Variants in NHS observed in about 807,000 individuals in gnomAD.
NHS encodes the protein actin remodeling regulator NHS.
In NHS, 5 loss-of-function variants were observed where a neutral mutation model predicts 72.5. That is an observed-to-expected ratio of 0.07 (90% CI 0.04 to 0.14). The LOEUF is 0.14. Among genes scored for constraint, NHS ranks in the 10% least tolerant of loss-of-function variants. The pLI is 1.00. For missense variants in NHS, 1,072 were observed against 1,355.7 expected, an observed-to-expected ratio of 0.79 and a Z score of 3.29; for synonymous variants, 464 against 547.7, an observed-to-expected ratio of 0.85 and a Z score of 2.13.
intron 1 of NHS, among the ~76,000 whole-genome samples, chrX:17,547,336 G>A (rs1191672461): frequency 1.8e-5 from 2 of 112,331 alleles, no homozygotes; most frequent in East Asian, 5.6e-4. Flanking sequence ...GGCAAGTCAC[G>A]AGTCATCTGG....
intron 1 of NHS, among the ~76,000 whole-genome samples, chrX:17,657,117 C>T (rs533145481): frequency 8.9e-6 from 1 of 112,671 alleles, no homozygotes; most frequent in South Asian, 3.7e-4. Context: ...ACCATCTGTG[C>T]GCATGAGTGG....
chrX:17,700,190 C>T (rs1379051650), intron 3 of NHS, among the ~76,000 whole-genome samples: 1 of 111,181 alleles, frequency 9.0e-6, no homozygotes, highest in African/African-American at 3.3e-5. Context: ...AGCCTGTAAT[C>T]CCAGCATTTT....
intron 1 of NHS, among the ~76,000 whole-genome samples, chrX:17,576,621 T>C (rs1023959670): frequency 2.7e-5 from 3 of 112,217 alleles, no homozygotes; most frequent in Non-Finnish European, 5.6e-5. Flanking sequence ...CCAACAGCCT[T>C]GCCCTGTACA....
chrX:17,439,569 A>G (rs1312592882), intron 1 of NHS, among the ~76,000 whole-genome samples: 1 of 111,783 alleles, frequency 8.9e-6, no homozygotes, highest in Non-Finnish European at 1.9e-5. Flanking sequence ...TTTTTGCTCA[A>G]CGTTATGTAT....
rs151204953 is a variant in NHS at position 17,456,155 on chromosome X, G to T, written c.565+79833G>T. 7.2e-3 allele frequency among the ~76,000 whole-genome samples: 807 copies of T among 111,843 alleles called. 18 individuals carry two copies. The East Asian group carries it at 0.078, about 11-fold the overall frequency. ...TATAATATGTTTTTTTGCCCATGAA[G>T]AACTCATGTATGGAGATCTATGCAT... On this transcript the variant is annotated intron_variant, in intron 1 of 8. Coordinates refer to ENST00000676302, the MANE Select transcript of NHS (RefSeq NM_001291867.2).
chrX:17,702,056 A>G (rs2066268291), intron 3 of NHS, among the ~76,000 whole-genome samples: 1 of 111,260 alleles, frequency 9.0e-6, no homozygotes, highest in Non-Finnish European at 1.9e-5. Context: ...GGAGTGGGGT[A>G]GAAAGAATGG....
At chrX:17,598,917 C>T (rs1398755311) in intron 1 of NHS, among the ~76,000 whole-genome samples, 1 of 111,300 alleles carries the variant, frequency 9.0e-6, no homozygotes, top group Non-Finnish European at 1.9e-5. Context: ...TCATTTCACT[C>T]CCCACCCCAA....
intron 1 of NHS, among the ~76,000 whole-genome samples, chrX:17,632,789 A>G (rs982082546): frequency 1.3e-4 from 14 of 111,798 alleles, no homozygotes; most frequent in Non-Finnish European, 2.1e-4. Context: ...ATTTTGAAAA[A>G]TGATGCCTTT....
intron 1 of NHS, among the ~76,000 whole-genome samples, chrX:17,402,823 TC>T (rs1170711479): frequency 8.9e-6 from 1 of 112,014 alleles, no homozygotes; most frequent in Admixed American, 9.5e-5. Context: ...TAAGATGATG[TC>T]CTTTACCAAG....
chrX:17,623,564 G>C (rs901965781), intron 1 of NHS, among the ~76,000 whole-genome samples: 1 of 111,263 alleles, frequency 9.0e-6, no homozygotes, highest in Non-Finnish European at 1.9e-5. Flanking sequence ...TGAAGTGCTC[G>C]GTCTTCCAAG....
At chrX:17,593,004 A>T (rs749080698) in intron 1 of NHS, among the ~76,000 whole-genome samples, 107 of 112,512 alleles carry the variant, frequency 9.5e-4, no homozygotes, top group African/African-American at 2.9e-3. Flanking sequence ...AAAAATTTTT[A>T]AAAGAAGAAG....
chrX:17,706,683 T>C (rs1224441601), intron 3 of NHS, among the ~76,000 whole-genome samples: 3 of 111,849 alleles, frequency 2.7e-5, no homozygotes, highest in Non-Finnish European at 5.6e-5. Context: ...TCACAGAGAA[T>C]CTGATATAAG....
chrX:17,441,262 C>A (rs2064752360), intron 1 of NHS, among the ~76,000 whole-genome samples: 1 of 112,015 alleles, frequency 8.9e-6, no homozygotes, highest in South Asian at 3.8e-4. Context: ...CCTCGCAATA[C>A]CCTTTTCTAT....
rs1309437457 is a variant in NHS, at chrX:17,692,340, C to T, written c.724C>T (p.Arg242Trp). ...CTGCTTTTTCTCCTTCTCAGAACAC[C>T]GGAGCCGGAGCGATCGCCGAGAGCA... ...QSLQALRREH[R>W]SRSDRREQRA... Residue 242 changes from arginine to tryptophan, a missense_variant, in exon 3 of 9, where the codon CGG becomes TGG. Arg to Trp is a moderately radical substitution (Grantham distance 101, BLOSUM62 -3). Coordinates refer to ENST00000676302, the MANE Select transcript of NHS (RefSeq NM_001291867.2). 12 of 1,207,913 alleles carry T rather than the reference C, an allele frequency of 9.9e-6. No homozygotes were observed. The highest frequency in any genetic ancestry group is 8.9e-5 in the East Asian group (3 of 33,688).
chrX:17,596,045 A>G (rs2065622964), intron 1 of NHS, among the ~76,000 whole-genome samples: 1 of 111,617 alleles, frequency 9.0e-6, no homozygotes, highest in Admixed American at 9.5e-5. Context: ...TCCCTCCAAA[A>G]AAAAAAAGAT....
rs148392852 is a variant in NHS, at chrX:17,537,869, C to T, written c.566-149873C>T. ...TGCCCGACTGGAGGCTGGGGGCACGCGACGCCTGAATTGAATTTGGGCAGT... is the reference window on the plus strand; with the variant it reads ...TGCCCGACTGGAGGCTGGGGGCACGTGACGCCTGAATTGAATTTGGGCAGT... On this transcript the variant is annotated intron_variant, in intron 1 of 8. Transcript: ENST00000676302. 8.1e-3 allele frequency among the ~76,000 whole-genome samples: 902 copies of T among 111,518 alleles called. 7 individuals are homozygous for T. The highest frequency in any genetic ancestry group is 0.013 in the Non-Finnish European group (701 of 53,061).
chrX:17,641,443 T>C (rs375638085), intron 1 of NHS, among the ~76,000 whole-genome samples: 1 of 112,214 alleles, frequency 8.9e-6, no homozygotes, highest in East Asian at 2.8e-4. Flanking sequence ...ACAACATTCT[T>C]GTGGCTGGAG....
At chrX:17,411,412 T>C (rs1215592675) in intron 1 of NHS, among the ~76,000 whole-genome samples, 1 of 111,721 alleles carries the variant, frequency 9.0e-6, no homozygotes, top group Non-Finnish European at 1.9e-5. Context: ...AATGAGGTCA[T>C]GTATCCTTGA....
Position 17,375,465 on chromosome X carries a change from C to T in NHS, c.-293C>T, listed in dbSNP as rs2064340466. On this transcript the variant is annotated 5_prime_UTR_variant, in exon 1 of 9. Coordinates refer to ENST00000676302, the MANE Select transcript of NHS (RefSeq NM_001291867.2). Reference sequence around the variant, plus strand: ...AAACGATGGAGTTGAGCCAGTCGACCCTGGTTGGAAGCAAGTGAGAAGAGA... The same window carrying T: ...AAACGATGGAGTTGAGCCAGTCGACTCTGGTTGGAAGCAAGTGAGAAGAGA... 1 of 408,946 alleles carries T rather than the reference C, an allele frequency of 2.4e-6. No homozygotes were observed. Among genetic ancestry groups the T allele is most frequent in the African/African-American group, 2.6e-5 (1 of 39,116 alleles). The allele number at this position is 408,946 out of a possible 1,213,427, so 33.7% of individuals were successfully genotyped here. A position where few individuals can be genotyped will look rare whatever the true frequency, so the allele number is the denominator to read the frequency against.
Sources: allele counts gnomAD v4.1 joint callset (sites outside exome capture counted in the v4.1 genomes callset), GRCh38; gene constraint gnomAD v4.1.1; transcripts MANE v1.5; gene names NCBI Gene and HGNC (gene_info 2026-07-23, HGNC 2026-07-21).